The following DRC11 variants were observed in gnomAD, a reference collection of about 807,000 sequenced individuals.
DRC11 encodes the protein IQ and AAA domain-containing protein 1.
At chr2:236,504,203 G>T in the DRC11 span, among the ~76,000 whole-genome samples, 2 of 149,914 alleles carry the variant, frequency 1.3e-5, no homozygotes, top group Non-Finnish European at 2.9e-5. The surrounding 1 kb of genome is among the most constrained non-coding windows in gnomAD (Gnocchi z 5.0). Flanking sequence ...CGGCGGTGGG[G>T]GGGGGCGTTC....
the DRC11 span, among the ~76,000 whole-genome samples, chr2:236,318,066 C>T: frequency 5.8e-4 from 89 of 152,302 alleles, no homozygotes; most frequent in African/African-American, 1.8e-3. The surrounding 1 kb of genome is among the most constrained non-coding windows in gnomAD (Gnocchi z 7.0). Context: ...AGTGGTGCAG[C>T]GCTTCTGGCC....
At chr2:236,436,128 A>G in the DRC11 span, among the ~76,000 whole-genome samples, 1 of 152,212 alleles carries the variant, frequency 6.6e-6, no homozygotes, top group Non-Finnish European at 1.5e-5. Context: ...TGGCAACATT[A>G]CTTTATACAT....
At chr2:236,428,347 T>C in the DRC11 span, among the ~76,000 whole-genome samples, 1 of 152,188 alleles carries the variant, frequency 6.6e-6, no homozygotes, top group Non-Finnish European at 1.5e-5. Context: ...AATTCCCTAC[T>C]ATTATTGTAT....
At chr2:236,503,226 A>G in the DRC11 span, among the ~76,000 whole-genome samples, 4 of 152,184 alleles carry the variant, frequency 2.6e-5, no homozygotes, top group Admixed American at 6.5e-5. This position sits in a 1 kb window ranked among gnomAD's most constrained non-coding sequence, Gnocchi z 4.9. Context: ...ACAAAGACCC[A>G]AAGTCAACAA....
chr2:236,359,683 G>A, the DRC11 span, among the ~76,000 whole-genome samples: 3 of 152,110 alleles, frequency 2.0e-5, no homozygotes, highest in Admixed American at 6.5e-5. This position sits in a 1 kb window ranked among gnomAD's most constrained non-coding sequence, Gnocchi z 4.3. Context: ...TGCCGTCAAC[G>A]TACCAGCACA....
At chr2:236,318,577 T>TTGTG in the DRC11 span, among the ~76,000 whole-genome samples, 14,002 of 151,762 alleles carry the variant, frequency 0.092, 1,240 homozygotes, top group African/African-American at 0.23. The surrounding 1 kb of genome is among the most constrained non-coding windows in gnomAD (Gnocchi z 7.0). Context: ...ATGTGTGTGT[T>TTGTG]TGTGTGTACA....
At chr2:236,358,182 CTA>C in the DRC11 span, among the ~76,000 whole-genome samples, 13 of 116,442 alleles carry the variant, frequency 1.1e-4, no homozygotes, top group East Asian at 4.7e-4. Context: ...TATATATACT[CTA>C]TGAATATATA....
At chr2:236,409,556 A>G in the DRC11 span, among the ~76,000 whole-genome samples, 1 of 152,136 alleles carries the variant, frequency 6.6e-6, no homozygotes, top group Non-Finnish European at 1.5e-5. Flanking sequence ...GTCTGCAAAC[A>G]GGGACAATTT....
the DRC11 span, among the ~76,000 whole-genome samples, chr2:236,328,030 A>C: frequency 6.6e-6 from 1 of 151,836 alleles, no homozygotes; most frequent in Non-Finnish European, 1.5e-5. This position sits in a 1 kb window ranked among gnomAD's most constrained non-coding sequence, Gnocchi z 6.7. Flanking sequence ...TTCCTCCCTA[A>C]TGTTTCTGGT....
chr2:236,348,022 T>C, the DRC11 span, among the ~76,000 whole-genome samples: 1 of 152,162 alleles, frequency 6.6e-6, no homozygotes, highest in Non-Finnish European at 1.5e-5. The surrounding 1 kb of genome is among the most constrained non-coding windows in gnomAD (Gnocchi z 7.4). Context: ...CTTTCATCAA[T>C]GAAACAGACA....
chr2:236,355,745 CTCTCTGTG>C, the DRC11 span, among the ~76,000 whole-genome samples: 70 of 107,900 alleles, frequency 6.5e-4, no homozygotes, highest in African/African-American at 1.7e-3. Context: ...CTCTCTCTCT[CTCTCTGTG>C]TGTGTGTGTG....
At chr2:236,458,689 A>G in the DRC11 span, among the ~76,000 whole-genome samples, 438 of 152,152 alleles carry the variant, frequency 2.9e-3, 1 homozygote, top group African/African-American at 9.6e-3. Flanking sequence ...GCTGCTGGGG[A>G]CAGTATCATT....
At chr2:236,321,984 G>T in the DRC11 span, among the ~76,000 whole-genome samples, 1 of 152,082 alleles carries the variant, frequency 6.6e-6, no homozygotes, top group Admixed American at 6.5e-5. Flanking sequence ...AGACTCGGGG[G>T]TATGCCTGCA....
At chr2:236,334,242 A>G in the DRC11 span, among the ~76,000 whole-genome samples, 3 of 152,136 alleles carry the variant, frequency 2.0e-5, no homozygotes, top group Non-Finnish European at 2.9e-5. This position sits in a 1 kb window ranked among gnomAD's most constrained non-coding sequence, Gnocchi z 7.8. Flanking sequence ...CTTTTACACA[A>G]TCACCCACTC....
the DRC11 span, among the ~76,000 whole-genome samples, chr2:236,347,053 A>T: frequency 1.3e-5 from 2 of 152,224 alleles, no homozygotes; most frequent in African/African-American, 4.8e-5. Context: ...GGGAAGAATC[A>T]GGAGAGAAGG....
chr2:236,503,834 C>A, the DRC11 span: 8 of 767,978 alleles, frequency 1.0e-5, no homozygotes, highest in South Asian at 1.3e-4. This position sits in a 1 kb window ranked among gnomAD's most constrained non-coding sequence, Gnocchi z 4.9. Context: ...CTCAGCCCAT[C>A]TGGCCTTGCG....
the DRC11 span, chr2:236,465,473 A>T: frequency 1.3e-6 from 2 of 1,574,642 alleles, no homozygotes; most frequent in Non-Finnish European, 1.7e-6. The surrounding 1 kb of genome is among the most constrained non-coding windows in gnomAD (Gnocchi z 6.2). Flanking sequence ...TAAAGAACAG[A>T]CTGGATATGT....
At chr2:236,346,958 C>T in the DRC11 span, among the ~76,000 whole-genome samples, 24 of 152,302 alleles carry the variant, frequency 1.6e-4, 1 homozygote, top group African/African-American at 5.3e-4. Context: ...AGTGAGCATG[C>T]GCACAACTCC....
At chr2:236,485,762 T>C in the DRC11 span, among the ~76,000 whole-genome samples, 2 of 152,114 alleles carry the variant, frequency 1.3e-5, no homozygotes, top group Non-Finnish European at 2.9e-5. Context: ...GGAAGGCCAA[T>C]TGCAGTTCAA....
Sources: gnomAD v4.1 joint callset for allele counts (sites outside exome capture counted in the v4.1 genomes callset) on GRCh38, gnomAD v4.1.1 for gene constraint, Gnocchi (gnomAD v3.1) non-coding constraint, MANE v1.5 for transcripts, NCBI Gene and HGNC (gene_info 2026-07-23, HGNC 2026-07-21) for gene names.